Variants in LRP1B observed in about 807,000 individuals in gnomAD.
The protein encoded by LRP1B is low-density lipoprotein receptor-related protein 1B.
In LRP1B, 217 loss-of-function variants were observed where a neutral mutation model predicts 556.6. That is an observed-to-expected ratio of 0.39 (90% CI 0.35 to 0.44). The LOEUF (loss-of-function observed/expected upper bound fraction) is 0.44. Among genes scored for constraint, LRP1B ranks in the 20% least tolerant of loss-of-function variants. The pLI, the probability that LRP1B is intolerant of heterozygous loss-of-function variation, is 1.00. For missense variants in LRP1B, 5,053 were observed against 5,620.8 expected (o/e 0.90, Z 3.23); for synonymous variants, 2,047 against 1,865.8 (o/e 1.10, Z -2.50).
intron 2 of LRP1B, among the ~76,000 whole-genome samples, chr2:141,786,334 A>G (rs1695429768): frequency 6.6e-6 from 1 of 151,926 alleles, no homozygotes; most frequent in South Asian, 2.1e-4. Context: ...TATGGGGATT[A>G]TAGAGAAAGG....
intron 43 of LRP1B, among the ~76,000 whole-genome samples, chr2:140,551,027 G>T (rs1247761091): frequency 6.6e-6 from 1 of 152,078 alleles, no homozygotes; most frequent in Non-Finnish European, 1.5e-5. Context: ...GAAAGCAGCT[G>T]TCTGAAAGCC....
chr2:140,290,277 G>A (rs1046772875), intron 84 of LRP1B, among the ~76,000 whole-genome samples: 4 of 152,030 alleles, frequency 2.6e-5, no homozygotes, highest in East Asian at 1.9e-4. Flanking sequence ...AATGTGTCAC[G>A]TAAAAGAGGT....
Position 141,049,041 on chromosome 2 carries a change from G to C in LRP1B, c.1734C>G (p.Phe578Leu), listed in dbSNP as rs768832533. The C allele has an allele frequency of 6.2e-7, 1 of 1,613,536 alleles. No individual in the cohort carries two copies. The highest frequency in any genetic ancestry group is 1.7e-5 in the Admixed American group (1 of 59,928). ...CATCTATCTTCTGCCGGCCAATTAG[G>C]AAACTGGTGGTGTCAGCAAAGTAGA... ...NYIYFADTTSFLIGRQKIDGT... is the reference protein window; with the variant it reads ...NYIYFADTTSLLIGRQKIDGT... The change falls in exon 11 of 91, where the codon TTC becomes TTG. Residue 578 changes from phenylalanine (F) to leucine (L), a missense_variant. Phe to Leu is a conservative substitution (Grantham distance 22). This residue lies in a region of LRP1B where 3,619 missense variants were observed against 3,931.9 expected (regional missense o/e 0.92). Coordinates refer to ENST00000389484, the MANE Select transcript of LRP1B (RefSeq NM_018557.3).
At chr2:140,297,088 A>C (rs888137639) in intron 84 of LRP1B, among the ~76,000 whole-genome samples, 6 of 152,136 alleles carry the variant, frequency 3.9e-5, no homozygotes, top group Non-Finnish European at 8.8e-5. Flanking sequence ...GGGAGGGGTC[A>C]GGACTTGAGA....
rs540165118 is a variant in LRP1B at position 140,853,769 on chromosome 2, G to A, written c.4580-1986C>T. 1.2e-4 allele frequency among the ~76,000 whole-genome samples: 19 copies of A among 152,248 alleles called. 1 individual carries two copies. In the South Asian group the frequency reaches 3.7e-3, roughly 30 times the overall value. On this transcript the variant is annotated intron_variant, in intron 27 of 90. Coordinates refer to ENST00000389484, the MANE Select transcript of LRP1B (RefSeq NM_018557.3). ...TAAGAACAAAAGATAATAGAAAAGA[G>A]TAGAAGCTTTTGTTCCAGAGATTCC...
chr2:141,014,512 A>G (rs754574239), intron 13 of LRP1B, among the ~76,000 whole-genome samples: 2 of 152,108 alleles, frequency 1.3e-5, no homozygotes, highest in Non-Finnish European at 2.9e-5. Flanking sequence ...TTTACCATAA[A>G]TAAAAACATA....
chr2:141,950,158 A>G (rs1437773358), intron 1 of LRP1B, among the ~76,000 whole-genome samples: 1 of 152,294 alleles, frequency 6.6e-6, no homozygotes, highest in East Asian at 1.9e-4. Flanking sequence ...ATAATTCCTT[A>G]GGATCAACAT....
chr2:142,010,875 C>T (rs1438887810), intron 1 of LRP1B, among the ~76,000 whole-genome samples: 5 of 152,184 alleles, frequency 3.3e-5, no homozygotes, highest in African/African-American at 1.2e-4. Context: ...GAGACCACCT[C>T]AGGGATACAC....
intron 84 of LRP1B, among the ~76,000 whole-genome samples, chr2:140,281,657 A>G (rs1682917098): frequency 6.6e-6 from 1 of 151,890 alleles, no homozygotes; most frequent in South Asian, 2.1e-4. Flanking sequence ...TTAAGTATGC[A>G]TTTGATAATT....
At chr2:140,823,631 G>A (rs1691402162) in intron 31 of LRP1B, among the ~76,000 whole-genome samples, 1 of 151,904 alleles carries the variant, frequency 6.6e-6, no homozygotes, top group Admixed American at 6.6e-5. Context: ...GGACTACTTA[G>A]AGTATTTCAA....
Position 140,702,311 on chromosome 2 carries a change from G to A in LRP1B, c.6151-19C>T, listed in dbSNP as rs2105429264. On this transcript the variant is annotated intron_variant, in intron 38 of 90. Transcript: ENST00000389484. ...TATTTTCCTAAATATCGATTAAGAAGTAACGTTACAGACTATATTTGATTG... is the reference window on the plus strand; with the variant it reads ...TATTTTCCTAAATATCGATTAAGAAATAACGTTACAGACTATATTTGATTG... 1 of 1,612,296 alleles carries A rather than the reference G, an allele frequency of 6.2e-7. No homozygotes were observed.
intron 3 of LRP1B, among the ~76,000 whole-genome samples, chr2:141,440,369 C>G (rs1442600009): frequency 6.6e-6 from 1 of 152,264 alleles, no homozygotes; most frequent in African/African-American, 2.4e-5. Flanking sequence ...TTCCTCCACA[C>G]TGAACTCCTA....
intron 7 of LRP1B, among the ~76,000 whole-genome samples, chr2:141,178,670 A>G (rs1193164057): frequency 6.6e-6 from 1 of 152,132 alleles, no homozygotes; most frequent in Non-Finnish European, 1.5e-5. Context: ...CTTCCATAGT[A>G]TGATGCTGTC....
chr2:141,482,289 TG>T (rs1682948611), intron 2 of LRP1B, among the ~76,000 whole-genome samples: 4 of 152,150 alleles, frequency 2.6e-5, no homozygotes, highest in Admixed American at 2.6e-4. Flanking sequence ...TTTTGTGTTT[TG>T]GGGGATATAA....
chr2:141,423,632 G>A (rs1193146980), intron 3 of LRP1B, among the ~76,000 whole-genome samples: 2 of 152,026 alleles, frequency 1.3e-5, no homozygotes, highest in African/African-American at 2.4e-5. Flanking sequence ...TGGTAAAGTG[G>A]TAACAATAAA....
chr2:140,852,109 C>T (rs1392797256), intron 27 of LRP1B, among the ~76,000 whole-genome samples: 2 of 152,096 alleles, frequency 1.3e-5, no homozygotes, highest in Admixed American at 6.6e-5. Context: ...AGGCAGATCA[C>T]GAGGTCAGGA....
At chr2:141,826,595 G>A (rs1175023633) in intron 1 of LRP1B, among the ~76,000 whole-genome samples, 2 of 152,016 alleles carry the variant, frequency 1.3e-5, no homozygotes, top group African/African-American at 2.4e-5. Flanking sequence ...TCCTGACCTC[G>A]TGATCCGCCC....
chr2:141,710,642 G>A (rs536346576), intron 2 of LRP1B, among the ~76,000 whole-genome samples: 14 of 152,246 alleles, frequency 9.2e-5, no homozygotes, highest in African/African-American at 1.4e-4. Context: ...AATGATTTCC[G>A]AAATAAAGCT....
At chr2:141,292,551 C>T (rs529876621) in intron 3 of LRP1B, among the ~76,000 whole-genome samples, 7 of 152,192 alleles carry the variant, frequency 4.6e-5, no homozygotes, top group South Asian at 2.1e-4. Context: ...ATACCTCAGC[C>T]GGGTGATTAA....
Sources: gnomAD v4.1 joint callset for allele counts (sites outside exome capture counted in the v4.1 genomes callset) on GRCh38, gnomAD v4.1.1 for gene constraint, gnomAD v4.1.1 regional missense constraint, MANE v1.5 for transcripts, NCBI Gene and HGNC (gene_info 2026-07-23, HGNC 2026-07-21) for gene names.